The following AGPS variants were observed in gnomAD, a reference collection of about 807,000 sequenced individuals.
AGPS encodes alkylglycerone phosphate synthase, also known as alkyldihydroxyacetonephosphate synthase, peroxisomal.
In AGPS, 26 loss-of-function variants were observed where a neutral mutation model predicts 90.7. The ratio of observed to expected loss-of-function variants is 0.29; its 90% CI spans 0.21 to 0.40. The LOEUF is 0.40. AGPS is among the 10% of genes least tolerant of loss of function. The probability of loss-of-function intolerance (pLI) is 1.00; values close to 1 mark genes in which losing one functional copy is unlikely to be tolerated. For synonymous variants in AGPS, 294 were observed against 285.3 expected (o/e 1.03, Z -0.31); for missense variants, 540 against 816.1 (o/e 0.66, Z 4.12).
intron 17 of AGPS, 91 bp downstream of exon 17, chr2:177,513,999 AAGCTTC>A (rs1688955128): frequency 1.0e-6 from 1 of 973,654 alleles, no homozygotes; most frequent in African/African-American, 1.6e-5. Flanking sequence ...AGCTGAGAAA[AAGCTTC>A]AGTCTATTAC....
chr2:177,416,051 C>T (rs913063092), intron 1 of AGPS, among the ~76,000 whole-genome samples: 3 of 151,902 alleles, frequency 2.0e-5, no homozygotes, highest in Non-Finnish European at 4.4e-5. Context: ...TTTCCTTTTC[C>T]TTATTTTCTA....
At chr2:177,508,427 G>T (rs1688772411) in intron 16 of AGPS, among the ~76,000 whole-genome samples, 1 of 152,080 alleles carries the variant, frequency 6.6e-6, no homozygotes, top group African/African-American at 2.4e-5. Flanking sequence ...ATATTATTTA[G>T]TTTTTGATAT....
chr2:177,533,804 A>G (rs1256486578), intron 19 of AGPS, among the ~76,000 whole-genome samples: 3 of 152,200 alleles, frequency 2.0e-5, no homozygotes, highest in African/African-American at 4.8e-5. Flanking sequence ...TACAAAGTCA[A>G]TGCTCAGATC....
chr2:177,407,115 A>T (rs944101552), intron 1 of AGPS, among the ~76,000 whole-genome samples: 1 of 152,196 alleles, frequency 6.6e-6, no homozygotes, highest in Non-Finnish European at 1.5e-5. Context: ...GGGACAAGTT[A>T]CTGAATCTTT....
At chr2:177,514,253 C>T (rs2105726971) in intron 17 of AGPS, among the ~76,000 whole-genome samples, 1 of 152,284 alleles carries the variant, frequency 6.6e-6, no homozygotes, top group South Asian at 2.1e-4. Context: ...TATATACATA[C>T]TCAACATGAC....
intron 9 of AGPS, 31 bp downstream of exon 9, chr2:177,462,049 T>C (rs1687307112): frequency 6.6e-7 from 1 of 1,513,320 alleles, no homozygotes; most frequent in Non-Finnish European, 9.1e-7. Flanking sequence ...TATGTAATAA[T>C]TGATTAGTAT....
chr2:177,473,738 G>A (rs1687693531), intron 10 of AGPS, among the ~76,000 whole-genome samples: 1 of 152,212 alleles, frequency 6.6e-6, no homozygotes. Flanking sequence ...AGCTGAGTTT[G>A]AACTTAAGTC....
At chr2:177,487,380 T>G (rs1437472357) in intron 11 of AGPS, among the ~76,000 whole-genome samples, 3 of 152,196 alleles carry the variant, frequency 2.0e-5, no homozygotes, top group Non-Finnish European at 4.4e-5. Flanking sequence ...ATGCAGCTTT[T>G]CTTCCCACTA....
At chr2:177,452,601 G>T (rs1686984146) in intron 8 of AGPS, among the ~76,000 whole-genome samples, 1 of 151,912 alleles carries the variant, frequency 6.6e-6, no homozygotes, top group South Asian at 2.1e-4. Context: ...GCATATAATT[G>T]GTTCTTTTCT....
chr2:177,521,272 G>T lies in AGPS; in HGVS notation c.1701G>T (p.Val567=), dbSNP rs770153756. The change falls in exon 18 of 20, where the codon GTG becomes GTT. Residue 567 remains valine (V), a synonymous_variant. Transcript: ENST00000264167. ...VQFAPFSTCR[V]TQTYDAGACI... The stretch of plus-strand genomic sequence containing the variant: ...GGGGATTTTGTTTGTTTTTTAGGGT[G>T]ACGCAGACTTACGATGCAGGTGCTT... 5.0e-6 allele frequency: 8 copies of T among 1,613,972 alleles called. No individual in the cohort carries two copies. Among genetic ancestry groups the T allele is most frequent in the Non-Finnish European group, 5.1e-6 (6 of 1,179,852 alleles).
chr2:177,393,419 C>A (rs1381832725), intron 1 of AGPS: 1 of 985,270 alleles, frequency 1.0e-6, no homozygotes. Context: ...TATTTTTCTC[C>A]GAGGAGATAT....
intron 17 of AGPS, among the ~76,000 whole-genome samples, chr2:177,520,049 G>T (rs940278933): frequency 1.6e-4 from 24 of 152,184 alleles, no homozygotes; most frequent in Admixed American, 1.4e-3. Flanking sequence ...GGGAGTGTAG[G>T]TGTAGCAGTG....
intron 10 of AGPS, among the ~76,000 whole-genome samples, chr2:177,481,584 G>A (rs527431996): frequency 6.6e-6 from 1 of 151,808 alleles, no homozygotes; most frequent in South Asian, 2.1e-4. Context: ...AAAAAAGCAA[G>A]ATAATATTTC....
At chr2:177,515,068 G>A (rs1006811014) in intron 17 of AGPS, among the ~76,000 whole-genome samples, 3 of 150,662 alleles carry the variant, frequency 2.0e-5, no homozygotes, top group African/African-American at 7.3e-5. Flanking sequence ...AAGGCAAAGA[G>A]AGGTCTTGTT....
At chr2:177,534,211 G>C (rs2079163788) in intron 19 of AGPS, among the ~76,000 whole-genome samples, 1 of 152,174 alleles carries the variant, frequency 6.6e-6, no homozygotes, top group Non-Finnish European at 1.5e-5. Flanking sequence ...TTGGTGGCCA[G>C]ATTGGCCTCC....
At chr2:177,432,209 G>A (rs890591452) in intron 2 of AGPS, among the ~76,000 whole-genome samples, 50 of 152,100 alleles carry the variant, frequency 3.3e-4, no homozygotes, top group African/African-American at 1.2e-3. Context: ...TTGAAAACTT[G>A]TTCTGGTTCT....
chr2:177,467,878 T>A (rs1006376280), intron 9 of AGPS, among the ~76,000 whole-genome samples: 8 of 152,166 alleles, frequency 5.3e-5, no homozygotes, highest in African/African-American at 1.9e-4. Context: ...ATCTCTTTCC[T>A]TCTCTTAAGT....
chr2:177,475,211 G>A (rs1003437210), intron 10 of AGPS, among the ~76,000 whole-genome samples: 4 of 152,164 alleles, frequency 2.6e-5, no homozygotes, highest in African/African-American at 9.7e-5. Context: ...TAAAAGTGTT[G>A]AAAAGAGTGG....
intron 14 of AGPS, among the ~76,000 whole-genome samples, chr2:177,503,373 G>C (rs73031249): frequency 1.3e-5 from 2 of 152,084 alleles, no homozygotes; most frequent in Non-Finnish European, 2.9e-5. Context: ...TTTAAAGCAT[G>C]CTTAAGTTGT....
Sources: allele counts gnomAD v4.1 joint callset (sites outside exome capture counted in the v4.1 genomes callset), GRCh38; gene constraint gnomAD v4.1.1; transcripts MANE v1.5; gene names NCBI Gene and HGNC (gene_info 2026-07-23, HGNC 2026-07-21).